PLCB4: variants seen among roughly 807,000 people sequenced by gnomAD.
PLCB4 encodes the protein 1-phosphatidylinositol 4,5-bisphosphate phosphodiesterase beta-4.
Under a neutral mutation model 178.8 loss-of-function variants are expected in PLCB4, and 77 were observed. That is an observed-to-expected ratio of 0.43 (90% CI 0.36 to 0.52). The LOEUF is 0.52. Ranked by LOEUF, PLCB4 falls within the 20% of genes least tolerant of loss-of-function variation. The probability of loss-of-function intolerance (pLI) is 0.00; values close to 1 mark genes in which losing one functional copy is unlikely to be tolerated. For synonymous variants in PLCB4, 496 were observed against 490.8 expected, an observed-to-expected ratio of 1.01 and a Z score of -0.14; for missense variants, 1,024 against 1,453.4, an observed-to-expected ratio of 0.70 and a Z score of 4.80.
intron 3 of PLCB4, among the ~76,000 whole-genome samples, chr20:9,305,093 G>C (rs1601728938): frequency 1.4e-5 from 2 of 138,668 alleles, no homozygotes; most frequent in South Asian, 4.5e-4. Context: ...AAATATTTCT[G>C]TAAACAACCA....
chr20:9,416,408 G>A lies in PLCB4; in HGVS notation c.2052-3399G>A, dbSNP rs191487546. Among the ~76,000 whole-genome samples the A allele has an allele frequency of 2.6e-5, 4 of 152,232 alleles. No homozygotes were observed. In the East Asian group the frequency reaches 5.8e-4, roughly 22 times the overall value. ...CCAGTCCTGTATTCATCCAAGTCCC[G>A]ACCTTCCTCGGGAGGCAGAATCCCT... On this transcript the variant is annotated intron_variant, in intron 25 of 39. Coordinates refer to ENST00000378473, the MANE Select transcript of PLCB4 (RefSeq NM_001377142.1).
intron 2 of PLCB4, among the ~76,000 whole-genome samples, chr20:9,216,851 A>C (rs1478875652): frequency 6.6e-6 from 1 of 152,074 alleles, no homozygotes; most frequent in Non-Finnish European, 1.5e-5. Context: ...CTCCCACTCC[A>C]CCTTGAAAAG....
intron 32 of PLCB4, among the ~76,000 whole-genome samples, chr20:9,449,991 C>T (rs1477793838): frequency 6.6e-6 from 1 of 152,160 alleles, no homozygotes; most frequent in African/African-American, 2.4e-5. Flanking sequence ...CGATCATTCA[C>T]GCCCATAGTC....
intron 2 of PLCB4, among the ~76,000 whole-genome samples, chr20:9,123,768 G>C (rs1432574274): frequency 1.3e-5 from 2 of 151,940 alleles, no homozygotes; most frequent in African/African-American, 4.8e-5. Context: ...TTATATAAAT[G>C]ACTTCATTTC....
intron 2 of PLCB4, among the ~76,000 whole-genome samples, chr20:9,215,421 T>A (rs2093719405): frequency 6.6e-6 from 1 of 152,190 alleles, no homozygotes; most frequent in African/African-American, 2.4e-5. Flanking sequence ...CTTCATTCCC[T>A]TTTCTATAAA....
chr20:9,266,933 C>T (rs17388852), intron 3 of PLCB4, among the ~76,000 whole-genome samples: 4,268 of 152,158 alleles, frequency 0.028, 74 homozygotes, highest in Non-Finnish European at 0.041. Flanking sequence ...GAAGAACCTT[C>T]TAAATTAACA....
intron 7 of PLCB4, among the ~76,000 whole-genome samples, chr20:9,356,595 A>G (rs1468906395): frequency 6.6e-6 from 1 of 152,206 alleles, no homozygotes; most frequent in Non-Finnish European, 1.5e-5. Flanking sequence ...TCTTTATTTG[A>G]AAAGCTTCAT....
intron 1 of PLCB4, among the ~76,000 whole-genome samples, chr20:9,091,695 C>T (rs2090686299): frequency 1.3e-5 from 2 of 151,098 alleles, no homozygotes; most frequent in African/African-American, 4.9e-5. Flanking sequence ...CCTAACACCT[C>T]ACCTGGTTTA....
In PLCB4 at chr20:9,387,565, A is replaced by G. The variant is rs1196363062; in HGVS notation, c.1158+9A>G. 10 of 1,312,240 alleles carry G rather than the reference A, an allele frequency of 7.6e-6. No individual in the cohort carries two copies. Among genetic ancestry groups the G allele is most frequent in the Non-Finnish European group, 1.1e-5 (10 of 921,640 alleles). The allele number at this position is 1,312,240 out of a possible 1,614,324, so 81.3% of individuals were successfully genotyped here. A position where few individuals can be genotyped will look rare whatever the true frequency, so the allele number is the denominator to read the frequency against. On this transcript the variant is annotated intron_variant, in intron 15 of 39. Coordinates refer to ENST00000378473, the MANE Select transcript of PLCB4 (RefSeq NM_001377142.1). ...CAGATATCCTTTTTAAGGTAACTTT[A>G]AAAATAATTACACAGACTTTTCCAA...
chr20:9,282,570 A>G (rs968360029), intron 3 of PLCB4, among the ~76,000 whole-genome samples: 1 of 152,026 alleles, frequency 6.6e-6, no homozygotes. Context: ...TATCATTTAT[A>G]TAACACAATC....
chr20:9,169,944 G>C (rs1175416742), intron 2 of PLCB4, among the ~76,000 whole-genome samples: 1 of 152,114 alleles, frequency 6.6e-6, no homozygotes, highest in South Asian at 2.1e-4. Context: ...GTATATTCCA[G>C]CATGCTTATT....
At chr20:9,303,304 T>C (rs1445375297) in intron 3 of PLCB4, among the ~76,000 whole-genome samples, 5 of 152,192 alleles carry the variant, frequency 3.3e-5, no homozygotes, top group Admixed American at 2.6e-4. Context: ...GTGTAACTGA[T>C]AGAAGGCTTT....
chr20:9,370,236 A>C (rs538599649), intron 9 of PLCB4, among the ~76,000 whole-genome samples: 1 of 152,128 alleles, frequency 6.6e-6, no homozygotes, highest in Admixed American at 6.6e-5. Context: ...CAAAAATACT[A>C]TGTCTTGGGG....
At chr20:9,169,451 G>A (rs964237855) in intron 2 of PLCB4, among the ~76,000 whole-genome samples, 1 of 151,376 alleles carries the variant, frequency 6.6e-6, no homozygotes, top group African/African-American at 2.4e-5. Context: ...TTAGCCCGGC[G>A]TGGTGGTGCA....
At chr20:9,119,789 C>T (rs1029838157) in intron 2 of PLCB4, among the ~76,000 whole-genome samples, 1 of 152,184 alleles carries the variant, frequency 6.6e-6, no homozygotes, top group Admixed American at 6.5e-5. Context: ...TTTTATAACT[C>T]ATCTTGTAAT....
chr20:9,379,620 G>T (rs776497419), intron 12 of PLCB4, among the ~76,000 whole-genome samples: 42 of 152,256 alleles, frequency 2.8e-4, no homozygotes, highest in Non-Finnish European at 4.4e-4. Context: ...TGCTTTTGGG[G>T]TTTTTGAGGG....
chr20:9,461,453 T>C (rs753248208), intron 35 of PLCB4, among the ~76,000 whole-genome samples: 5 of 152,058 alleles, frequency 3.3e-5, no homozygotes, highest in African/African-American at 7.2e-5. Context: ...CAGGGTGGGG[T>C]GTCACCTCAC....
intron 32 of PLCB4, among the ~76,000 whole-genome samples, chr20:9,445,244 G>A (rs950895452): frequency 2.6e-5 from 4 of 152,148 alleles, no homozygotes; most frequent in African/African-American, 7.2e-5. Context: ...GCTGCTGGTA[G>A]GATAATGTCT....
chr20:9,386,199 G>A lies in PLCB4; in HGVS notation c.1065-1264G>A, dbSNP rs151315187. Among the ~76,000 whole-genome samples the A allele has an allele frequency of 2.5e-3, 373 of 152,120 alleles. 2 individuals are homozygous for A. The highest frequency in any genetic ancestry group is 7.6e-3 in the African/African-American group (315 of 41,484). On this transcript the variant is annotated intron_variant, in intron 14 of 39. Coordinates refer to ENST00000378473, the MANE Select transcript of PLCB4 (RefSeq NM_001377142.1). ...GTCCGGGGCAGGGAGGCTGCAGCGA[G>A]CCGAGACCACGGCAGTATAGTCCAG...
Sources: gnomAD v4.1 joint callset for allele counts (sites outside exome capture counted in the v4.1 genomes callset) on GRCh38, gnomAD v4.1.1 for gene constraint, MANE v1.5 for transcripts, NCBI Gene and HGNC (gene_info 2026-07-23, HGNC 2026-07-21) for gene names.